Variants in VIPR2 observed in about 807,000 individuals in gnomAD.
VIPR2 encodes vasoactive intestinal peptide receptor 2, also known as vasoactive intestinal polypeptide receptor 2.
VIPR2 carries 48 observed loss-of-function variants against 58.0 expected under a neutral mutation model. The ratio of observed to expected loss-of-function variants is 0.83; its 90% CI spans 0.66 to 1.05. The LOEUF (loss-of-function observed/expected upper bound fraction) is 1.05. VIPR2 is among the 50% of genes least tolerant of loss of function. The pLI is 0.00. For missense variants in VIPR2, 534 were observed against 558.0 expected (o/e 0.96, Z 0.43); for synonymous variants, 243 against 235.2 (o/e 1.03, Z -0.30).
rs1472322036 is a variant in VIPR2, at chr7:159,031,318, G to C, written c.1143+510C>G. On this transcript the variant is annotated intron_variant, in intron 12 of 12. Coordinates refer to ENST00000262178, the MANE Select transcript of VIPR2 (RefSeq NM_003382.5). The surrounding 1 kb of genome is among the most constrained non-coding windows in gnomAD (Gnocchi z 4.0). ...AGAAAGCGCCAGCAACCGCAGCGTG[G>C]GGCGGGAGGGTCAGGGGTCAGGGGA... is the stretch of plus-strand genomic sequence containing the variant. Among the ~76,000 whole-genome samples, 2 of 152,130 alleles carry C rather than the reference G, an allele frequency of 1.3e-5. No homozygotes were observed. The highest frequency in any genetic ancestry group is 4.8e-5 in the African/African-American group (2 of 41,432).
intron 2 of VIPR2, among the ~76,000 whole-genome samples, chr7:159,122,624 C>T (rs750978926): frequency 1.1e-4 from 17 of 152,186 alleles, no homozygotes; most frequent in Non-Finnish European, 2.9e-5. Context: ...CATACAGGTG[C>T]AGGGCACACC....
intron 1 of VIPR2, among the ~76,000 whole-genome samples, 160 bp from the exon 2 acceptor site, chr7:159,142,705 TA>T (rs1797523001): frequency 6.6e-6 from 1 of 152,240 alleles, no homozygotes. Flanking sequence ...TGGCATTTTT[TA>T]AAAACTTCAC....
At position 159,034,216 on chromosome 7, in the gene VIPR2, T is replaced by G. The variant is rs929176338; in HGVS notation, c.968A>C (p.Tyr323Ser). 4 of 1,613,790 alleles carry G rather than the reference T, an allele frequency of 2.5e-6. No homozygotes were observed. The Admixed American group carries it at 6.7e-5, about 27-fold the overall frequency. The change falls in exon 10 of 13, where the codon TAC becomes TCC. Residue 323 changes from tyrosine (Y) to serine (S), a missense_variant. Tyr to Ser is a moderately radical substitution (Grantham distance 144, BLOSUM62 -2). This residue lies in a region of VIPR2 where 306 missense variants were observed against 285.8 expected (regional missense o/e 1.07). Coordinates refer to ENST00000262178, the MANE Select transcript of VIPR2 (RefSeq NM_003382.5). ...CCAGGCCGGGACACACACTCACTTG[T>G]ACTGAGACTGGTCGTTGCCGCCGAC... ...PDVGGNDQSQ[Y>S]KRLAKSTLLL...
At chr7:159,133,642 CTTCT>C (rs1395827278) in intron 2 of VIPR2, among the ~76,000 whole-genome samples, 6 of 152,158 alleles carry the variant, frequency 3.9e-5, no homozygotes, top group Non-Finnish European at 7.3e-5. Context: ...GGAATCTCTG[CTTCT>C]GTCTGTTTGG....
At chr7:159,063,675 G>GT (rs940536202) in intron 4 of VIPR2, among the ~76,000 whole-genome samples, 8 of 149,660 alleles carry the variant, frequency 5.3e-5, no homozygotes, top group Non-Finnish European at 1.0e-4. Flanking sequence ...CCAGCATGCT[G>GT]TCACCTCTCA....
rs1218504771 is a variant in VIPR2 at position 159,059,056 on chromosome 7, C to T, written c.358-478G>A. Reference sequence around the variant, plus strand: ...TACTTGCCTAAGCCAGAGCCAGCTGCTGAGCTGCAGTATCTTGGGAATTTT... The same window carrying T: ...TACTTGCCTAAGCCAGAGCCAGCTGTTGAGCTGCAGTATCTTGGGAATTTT... On this transcript the variant is annotated intron_variant, in intron 4 of 12. Coordinates refer to ENST00000262178, the MANE Select transcript of VIPR2 (RefSeq NM_003382.5). 3.3e-5 allele frequency among the ~76,000 whole-genome samples: 5 copies of T among 152,230 alleles called. No individual in the cohort carries two copies. The East Asian group carries it at 7.7e-4, about 23-fold the overall frequency.
chr7:159,133,350 C>T (rs2129497740), intron 2 of VIPR2, among the ~76,000 whole-genome samples: 1 of 152,422 alleles, frequency 6.6e-6, no homozygotes, highest in South Asian at 2.1e-4. Context: ...CCCACAGCTC[C>T]TTTCTGGAGA....
Position 159,040,736 on chromosome 7 carries a change from T to C in VIPR2, c.597+2299A>G, listed in dbSNP as rs189103513. ...AAAAATTCAACTGGAAGGAAAGCTA[T>C]TTTTCCTGTTTCTTATACTGAGGTC... On this transcript the variant is annotated intron_variant, in intron 6 of 12. Coordinates refer to ENST00000262178, the MANE Select transcript of VIPR2 (RefSeq NM_003382.5). Among the ~76,000 whole-genome samples the C allele has an allele frequency of 5.3e-5, 8 of 152,340 alleles. No individual in the cohort carries two copies. The East Asian group carries it at 1.5e-3, about 29-fold the overall frequency.
intron 4 of VIPR2, among the ~76,000 whole-genome samples, chr7:159,084,724 G>A (rs896688351): frequency 3.0e-4 from 46 of 152,226 alleles, no homozygotes; most frequent in Admixed American, 1.3e-4. Context: ...TGGTGCTGGC[G>A]CGGAGTGGGG....
rs71302077 is a variant in VIPR2, at chr7:159,142,337, CTTTTTT to C, written c.151+103_151+108del. On this transcript the variant is annotated intron_variant, in intron 2 of 12. Coordinates refer to ENST00000262178, the MANE Select transcript of VIPR2 (RefSeq NM_003382.5). ...ACAATGGGAAGTGGCCTTTCTTTTT[CTTTTTT>C]TTTTTTTAAGATGCAGGTGGTGACC... 4 of 630,202 alleles carry C rather than the reference CTTTTTT, an allele frequency of 6.3e-6. No homozygotes were observed. In the East Asian group the frequency reaches 1.2e-4, roughly 19 times the overall value. The allele number at this position is 630,202 out of a possible 1,614,324, so 39.0% of individuals were successfully genotyped here. A position where few individuals can be genotyped will look rare whatever the true frequency, so the allele number is the denominator to read the frequency against.
At position 159,136,190 on chromosome 7, in the gene VIPR2, G is replaced by A. The variant is rs1033512181; in HGVS notation, c.151+6256C>T. Among the ~76,000 whole-genome samples, 237 of 152,212 alleles carry A rather than the reference G, an allele frequency of 1.6e-3. 1 individual carries two copies. Among genetic ancestry groups the A allele is most frequent in the African/African-American group, 5.5e-3 (229 of 41,530 alleles). On this transcript the variant is annotated intron_variant, in intron 2 of 12. Coordinates refer to ENST00000262178, the MANE Select transcript of VIPR2 (RefSeq NM_003382.5). ...TGGCCACAATGGCTTTCTTGCTGGC[G>A]GGGACTTTTCAGGGTTCCCAGGTGG... is the stretch of plus-strand genomic sequence containing the variant.
intron 5 of VIPR2, among the ~76,000 whole-genome samples, chr7:159,056,768 C>T (rs7801627): frequency 0.041 from 6,259 of 152,176 alleles, 428 homozygotes; most frequent in African/African-American, 0.14. Context: ...CAATGGAGCA[C>T]GTTATTTTTA....
rs1234324750 is a variant in VIPR2, at chr7:159,098,986, C to T, written c.357+4771G>A. Among the ~76,000 whole-genome samples, 4 of 152,214 alleles carry T rather than the reference C, an allele frequency of 2.6e-5. No homozygotes were observed. The highest frequency in any genetic ancestry group is 4.4e-5 in the Non-Finnish European group (3 of 68,040). ...GAGCCGGCCCAGGACCGTGCATGTCCACCCCGTGGCTGCCTGGGGCCTGTT... is the reference window on the plus strand; with the variant it reads ...GAGCCGGCCCAGGACCGTGCATGTCTACCCCGTGGCTGCCTGGGGCCTGTT... On this transcript the variant is annotated intron_variant, in intron 4 of 12. Transcript: ENST00000262178. This position sits in a 1 kb window ranked among gnomAD's most constrained non-coding sequence, Gnocchi z 5.2.
At chr7:159,142,340 T>TC (rs1466134081) in intron 2 of VIPR2, 106 bp downstream of exon 2, 1 of 779,788 alleles carries the variant, frequency 1.3e-6, no homozygotes, top group East Asian at 2.6e-5. Context: ...TCTTTTTCTT[T>TC]TTTTTTTTTT....
chr7:159,144,430 C>T (rs892754086), intron 1 of VIPR2: 4 of 1,547,612 alleles, frequency 2.6e-6, no homozygotes, highest in Non-Finnish European at 3.5e-6. Flanking sequence ...TCATCGTTGA[C>T]GCGTCCAGGA....
chr7:159,037,747 C>G (rs1854064885), intron 6 of VIPR2, among the ~76,000 whole-genome samples: 1 of 150,644 alleles, frequency 6.6e-6, no homozygotes, highest in Non-Finnish European at 1.5e-5. Flanking sequence ...ACTAAATGTA[C>G]CAGGCATTTC....
chr7:159,116,237 G>C (rs917745318), intron 2 of VIPR2, among the ~76,000 whole-genome samples: 2 of 152,222 alleles, frequency 1.3e-5, no homozygotes, highest in Non-Finnish European at 2.9e-5. Flanking sequence ...GCCAACCTCA[G>C]AGCCTTGGGA....
At chr7:159,135,324 C>A (rs555836179) in intron 2 of VIPR2, among the ~76,000 whole-genome samples, 7 of 152,000 alleles carry the variant, frequency 4.6e-5, no homozygotes, top group African/African-American at 1.7e-4. Context: ...CCCAGCTACT[C>A]GGGAGGCTGA....
chr7:159,142,398 C>T (rs375082120), intron 2 of VIPR2, 48 bp downstream of exon 2: 353 of 1,448,006 alleles, frequency 2.4e-4, no homozygotes, highest in Admixed American at 4.4e-4. Flanking sequence ...GGCGCATTCC[C>T]GGGTGAGAAT....
Sources: allele counts gnomAD v4.1 joint callset (sites outside exome capture counted in the v4.1 genomes callset), GRCh38; gene constraint gnomAD v4.1.1; regional missense constraint gnomAD v4.1.1; non-coding constraint Gnocchi (gnomAD v3.1); transcripts MANE v1.5; gene names NCBI Gene and HGNC (gene_info 2026-07-23, HGNC 2026-07-21).